TMED8: variants seen among roughly 807,000 people sequenced by gnomAD.
TMED8 encodes protein TMED8.
TMED8 carries 15 observed loss-of-function variants against 32.7 expected under a neutral mutation model. The ratio of observed to expected loss-of-function variants is 0.46; its 90% CI spans 0.31 to 0.71. The LOEUF is 0.71. Ranked by LOEUF, TMED8 falls within the 30% of genes least tolerant of loss-of-function variation. The probability of loss-of-function intolerance (pLI) is 0.06; values close to 1 mark genes in which losing one functional copy is unlikely to be tolerated. For synonymous variants in TMED8, 147 were observed against 161.4 expected (o/e 0.91, Z 0.68); for missense variants, 390 against 423.9 (o/e 0.92, Z 0.70).
intron 2 of TMED8, among the ~76,000 whole-genome samples, chr14:77,350,730 A>C (rs1893157674): frequency 6.6e-6 from 1 of 152,160 alleles, no homozygotes; most frequent in South Asian, 2.1e-4. Flanking sequence ...GGAGGGTTGC[A>C]TGGTCCAGGA....
chr14:77,352,068 G>A (rs1225234698), intron 1 of TMED8, among the ~76,000 whole-genome samples: 1 of 152,160 alleles, frequency 6.6e-6, no homozygotes, highest in Non-Finnish European at 1.5e-5. Flanking sequence ...GGGAGGCCAA[G>A]GCAGGAGGAT....
At chr14:77,343,152 G>A in intron 5 of TMED8, 26 bp downstream of exon 5, 1 of 1,602,880 alleles carries the variant, frequency 6.2e-7, no homozygotes, top group East Asian at 2.2e-5. Context: ...CCAGAAAACT[G>A]CAAATTAGGT....
rs1159707929 is a variant in TMED8 at position 77,376,153 on chromosome 14, T to A, written c.118+783A>T. Among the ~76,000 whole-genome samples, 1 of 152,098 alleles carries A rather than the reference T, an allele frequency of 6.6e-6. No homozygotes were observed. On this transcript the variant is annotated intron_variant, in intron 1 of 5. Coordinates refer to ENST00000216468, the MANE Select transcript of TMED8 (RefSeq NM_213601.3). The surrounding 1 kb of genome is among the most constrained non-coding windows in gnomAD (Gnocchi z 4.0). ...TGTTCAGGAGGCTGAAAGAAGAAAGTGTGATGGATGGACTCTTTTGTCTTT... is the reference window on the plus strand; with the variant it reads ...TGTTCAGGAGGCTGAAAGAAGAAAGAGTGATGGATGGACTCTTTTGTCTTT...
In TMED8 at chr14:77,351,700, T is replaced by C. The variant is rs758433755; in HGVS notation, c.170A>G (p.Asp57Gly). 27 of 1,613,516 alleles carry C rather than the reference T, an allele frequency of 1.7e-5. No homozygotes were observed. In the East Asian group the frequency reaches 5.8e-4, roughly 35 times the overall value. The change falls in exon 2 of 6, where the codon GAT (aspartate) becomes GGT (glycine). Residue 57 changes from aspartate to glycine, a missense_variant. Asp to Gly is a moderately conservative substitution (Grantham distance 94). Transcript: ENST00000216468. ...GTGGGGTGAGGAGCAGGGTTCTGGATCGGTGGCAGAAGCCAATAAAGAGGT... is the reference window on the plus strand; with the variant it reads ...GTGGGGTGAGGAGCAGGGTTCTGGACCGGTGGCAGAAGCCAATAAAGAGGT... ...KDTSLLASAT[D>G]PEPCSSPHRP...
chr14:77,352,512 G>A (rs777680403), intron 1 of TMED8, among the ~76,000 whole-genome samples: 5 of 152,174 alleles, frequency 3.3e-5, no homozygotes, highest in Non-Finnish European at 5.9e-5. Context: ...GCCGAGGTGG[G>A]CGGATCACTT....
In TMED8 at chr14:77,376,760, G is replaced by A. The variant is rs1391169567; in HGVS notation, c.118+176C>T. The A allele has an allele frequency of 5.5e-6, 2 of 364,388 alleles. No homozygotes were observed. The highest frequency in any genetic ancestry group is 4.2e-5 in the African/African-American group (2 of 47,140). 22.6% of individuals were successfully genotyped at this position (364,388 alleles called of 1,614,324 possible). A position where few individuals can be genotyped will look rare whatever the true frequency, so the allele number is the denominator to read the frequency against. ...ACAGGAGTGAGTAGAAAATAACCTC[G>A]AGCCCAGGGCCCGGGTGGTGGCAGC... On this transcript the variant is annotated intron_variant, in intron 1 of 5. Coordinates refer to ENST00000216468, the MANE Select transcript of TMED8 (RefSeq NM_213601.3). The surrounding 1 kb of genome is among the most constrained non-coding windows in gnomAD (Gnocchi z 4.0).
chr14:77,363,706 C>T (rs929998717), intron 1 of TMED8, among the ~76,000 whole-genome samples: 4 of 151,410 alleles, frequency 2.6e-5, no homozygotes, highest in Admixed American at 6.6e-5. Flanking sequence ...AACATTATTC[C>T]TCTTTTTTTT....
rs1320564743 is a variant in TMED8, at chr14:77,340,466, G to A, written c.*1305C>T. ...GTAACAGACATAACACGAGGAGTAA[G>A]AGACAGGGAGGTACAAACACAGAGA... On this transcript the variant is annotated 3_prime_UTR_variant, in exon 6 of 6. Coordinates refer to ENST00000216468, the MANE Select transcript of TMED8 (RefSeq NM_213601.3). 3 of 152,194 alleles carry A rather than the reference G, an allele frequency of 2.0e-5. No homozygotes were observed. Among genetic ancestry groups the A allele is most frequent in the East Asian group, 1.9e-4 (1 of 5,196 alleles). 9.4% of individuals were successfully genotyped at this position (152,194 alleles called of 1,614,324 possible). A position where few individuals can be genotyped will look rare whatever the true frequency, so the allele number is the denominator to read the frequency against.
chr14:77,374,111 C>G (rs956299989), intron 1 of TMED8, among the ~76,000 whole-genome samples: 2 of 152,332 alleles, frequency 1.3e-5, no homozygotes, highest in South Asian at 2.1e-4. Context: ...CCTGAATATC[C>G]AATTCCATTT....
intron 1 of TMED8, among the ~76,000 whole-genome samples, chr14:77,356,453 A>G (rs1893293845): frequency 6.6e-6 from 1 of 152,196 alleles, no homozygotes; most frequent in Admixed American, 6.5e-5. Context: ...TAGAATGAAG[A>G]CTCATGCACC....
rs1045897113 is a variant in TMED8, at chr14:77,346,477, G to A, written c.199C>T (p.Pro67Ser). 1.2e-6 allele frequency: 2 copies of A among 1,614,008 alleles called. No homozygotes were observed. Among genetic ancestry groups the A allele is most frequent in the African/African-American group, 2.7e-5 (2 of 74,898 alleles). Residue 67 changes from proline to serine, a missense_variant and splice_region_variant, in exon 3 of 6, where the codon CCA becomes TCA. By Grantham distance (74) the Pro-to-Ser change is moderately conservative. Transcript: ENST00000216468. The stretch of plus-strand genomic sequence containing the variant: ...TTACTCACTGGAGATACCATCTGTG[G>A]CCTCTCAGAGGAAGAGAGCATGTTA... ...DPEPCSSPHR[P>S]QMVSPVSKDA...
chr14:77,375,243 C>T (rs1893785916), intron 1 of TMED8, among the ~76,000 whole-genome samples: 2 of 151,960 alleles, frequency 1.3e-5, no homozygotes, highest in African/African-American at 4.8e-5. Flanking sequence ...AAAAAATTAT[C>T]ACCCTGCATT....
At chr14:77,363,585 T>C (rs1893485859) in intron 1 of TMED8, among the ~76,000 whole-genome samples, 1 of 152,072 alleles carries the variant, frequency 6.6e-6, no homozygotes, top group Non-Finnish European at 1.5e-5. Flanking sequence ...TCACTTGAGT[T>C]CCAGGCTGCA....
rs937042054 is a variant in TMED8 at position 77,337,966 on chromosome 14, C to T, written c.*3805G>A. The T allele has an allele frequency of 1.3e-5, 2 of 152,116 alleles. No homozygotes were observed. The highest frequency in any genetic ancestry group is 2.9e-5 in the Non-Finnish European group (2 of 68,038). 9.4% of individuals were successfully genotyped at this position (152,116 alleles called of 1,614,324 possible). A position where few individuals can be genotyped will look rare whatever the true frequency, so the allele number is the denominator to read the frequency against. ...TAAATCCCCCAACCGGCTGAATGGA[C>T]CCCTGTCTTGGCCCAGGGGATCTCA... On this transcript the variant is annotated 3_prime_UTR_variant, in exon 6 of 6. Transcript: ENST00000216468.
intron 1 of TMED8, among the ~76,000 whole-genome samples, chr14:77,360,483 T>A (rs1893409826): frequency 6.6e-6 from 1 of 152,156 alleles, no homozygotes; most frequent in South Asian, 2.1e-4. Context: ...TTTTACTTAA[T>A]ATAATGTCAT....
chr14:77,359,514 G>A (rs766877446), intron 1 of TMED8: 18 of 344,896 alleles, frequency 5.2e-5, no homozygotes, highest in Middle Eastern at 3.8e-4. Context: ...AACCTACAAC[G>A]ACCTGAAGAC....
chr14:77,355,198 CT>C (rs769300656), intron 1 of TMED8, among the ~76,000 whole-genome samples: 3,930 of 138,762 alleles, frequency 0.028, 163 homozygotes, highest in African/African-American at 0.096. Flanking sequence ...GCACTAAACA[CT>C]TTTTTTTTTT....
chr14:77,351,491 G>C (rs1447170871), intron 2 of TMED8, among the ~76,000 whole-genome samples, 182 bp downstream of exon 2: 1 of 130,080 alleles, frequency 7.7e-6, no homozygotes, highest in Non-Finnish European at 1.6e-5. Context: ...TCGATCTCCT[G>C]ACCTCGTGAT....
At chr14:77,358,742 C>T (rs367875134) in intron 1 of TMED8, among the ~76,000 whole-genome samples, 1 of 152,074 alleles carries the variant, frequency 6.6e-6, no homozygotes, top group Non-Finnish European at 1.5e-5. Context: ...AAACGAATAA[C>T]AGTATAACTA....
Sources: gnomAD v4.1 joint callset for allele counts (sites outside exome capture counted in the v4.1 genomes callset) on GRCh38, gnomAD v4.1.1 for gene constraint, Gnocchi (gnomAD v3.1) non-coding constraint, MANE v1.5 for transcripts, NCBI Gene and HGNC (gene_info 2026-07-23, HGNC 2026-07-21) for gene names.